The following POU6F2 variants were observed in gnomAD, a reference collection of about 807,000 sequenced individuals.
The protein encoded by POU6F2 is POU domain, class 6, transcription factor 2.
POU6F2 carries 31 observed loss-of-function variants against 71.3 expected under a neutral mutation model. The observed-to-expected ratio is 0.43, with a 90% CI of 0.33 to 0.59. The LOEUF is 0.59. POU6F2 is among the 20% of genes least tolerant of loss of function. The probability of loss-of-function intolerance (pLI) is 0.04; values close to 1 mark genes in which losing one functional copy is unlikely to be tolerated. For missense variants in POU6F2, 783 were observed against 856.8 expected, an observed-to-expected ratio of 0.91 and a Z score of 1.07; for synonymous variants, 347 against 355.7, an observed-to-expected ratio of 0.98 and a Z score of 0.27.
intron 4 of POU6F2, among the ~76,000 whole-genome samples, chr7:39,225,688 G>C (rs928879300): frequency 6.6e-6 from 1 of 152,158 alleles, no homozygotes; most frequent in African/African-American, 2.4e-5. Context: ...AAGAGACTTT[G>C]TCTAAAATTT....
In POU6F2 at chr7:39,452,652, A is replaced by G. The variant is rs776030895; in HGVS notation, c.1489+951A>G. Among the ~76,000 whole-genome samples the G allele has an allele frequency of 4.5e-4, 69 of 152,244 alleles. 3 individuals are homozygous for G. The highest frequency in any genetic ancestry group is 1.3e-4 in the Non-Finnish European group (9 of 68,044). ...TCTTAAAACAAAATGGATGGTTGCC[A>G]TGACCTCCCCGACAAGTAATCCTCC... On this transcript the variant is annotated intron_variant, in intron 8 of 9. Coordinates refer to ENST00000518318, the MANE Select transcript of POU6F2 (RefSeq NM_001370959.1).
At chr7:39,130,266 G>A (rs1012316046) in intron 2 of POU6F2, among the ~76,000 whole-genome samples, 2 of 151,392 alleles carry the variant, frequency 1.3e-5, no homozygotes, top group African/African-American at 2.4e-5. Flanking sequence ...ATGAATGAAG[G>A]TAATGAAATT....
chr7:38,997,944 A>G (rs532146774), intron 1 of POU6F2, among the ~76,000 whole-genome samples: 2 of 152,320 alleles, frequency 1.3e-5, no homozygotes, highest in East Asian at 3.9e-4. Context: ...GCAGTGGCCA[A>G]ACCTGGAAGA....
chr7:39,183,881 C>T (rs776268844), intron 2 of POU6F2, among the ~76,000 whole-genome samples: 1 of 152,180 alleles, frequency 6.6e-6, no homozygotes, highest in Non-Finnish European at 1.5e-5. Context: ...ACACAAAACA[C>T]ACTATGCAAA....
intron 2 of POU6F2, among the ~76,000 whole-genome samples, chr7:39,139,516 A>G (rs1293988480): frequency 6.6e-6 from 1 of 152,216 alleles, no homozygotes; most frequent in Admixed American, 6.5e-5. Flanking sequence ...GCTAAAAGCC[A>G]CATTGCTCCT....
At chr7:39,436,633 G>T (rs1200979711) in intron 7 of POU6F2, among the ~76,000 whole-genome samples, 2 of 152,016 alleles carry the variant, frequency 1.3e-5, no homozygotes, top group African/African-American at 2.4e-5. Context: ...TCGCCTGATT[G>T]CCCTGGCCAG....
chr7:39,223,250 G>A (rs1794403309), intron 4 of POU6F2, among the ~76,000 whole-genome samples: 1 of 152,124 alleles, frequency 6.6e-6, no homozygotes, highest in Admixed American at 6.6e-5. Context: ...ATAACCTGAG[G>A]AGAAGGCACG....
intron 8 of POU6F2, among the ~76,000 whole-genome samples, chr7:39,459,913 A>G (rs1214117538): frequency 6.6e-6 from 1 of 152,130 alleles, no homozygotes; most frequent in Non-Finnish European, 1.5e-5. Context: ...GTGCCCTTTC[A>G]GGGGACAAAG....
At chr7:39,406,856 A>T in intron 6 of POU6F2, 116 bp downstream of exon 6, 1 of 1,362,964 alleles carries the variant, frequency 7.3e-7, no homozygotes, top group Non-Finnish European at 1.0e-6. Context: ...GCAAATAAAT[A>T]ATGTTTACTA....
intron 4 of POU6F2, among the ~76,000 whole-genome samples, chr7:39,229,687 C>T (rs1794538019): frequency 6.6e-6 from 1 of 152,212 alleles, no homozygotes; most frequent in South Asian, 2.1e-4. Context: ...CCAAATATTA[C>T]CTACACAAAA....
At chr7:39,461,266 T>C (rs1294926873) in intron 9 of POU6F2, among the ~76,000 whole-genome samples, 7 of 152,314 alleles carry the variant, frequency 4.6e-5, no homozygotes, top group Non-Finnish European at 8.8e-5. Context: ...GTGGCTGCTT[T>C]AAATGGCTCA....
intron 2 of POU6F2, among the ~76,000 whole-genome samples, chr7:39,088,179 A>G (rs1158085339): frequency 6.6e-6 from 1 of 152,176 alleles, no homozygotes; most frequent in Non-Finnish European, 1.5e-5. Context: ...CAATTAGATC[A>G]AGAAGAAAGC....
chr7:39,189,873 A>ACC (rs1336066693), intron 2 of POU6F2, among the ~76,000 whole-genome samples: 4 of 151,486 alleles, frequency 2.6e-5, no homozygotes, highest in African/African-American at 9.7e-5. Context: ...CATTCCTTCT[A>ACC]CCCCCTTCCT....
intron 4 of POU6F2, among the ~76,000 whole-genome samples, chr7:39,237,256 G>A (rs1794692025): frequency 6.6e-6 from 1 of 152,140 alleles, no homozygotes; most frequent in Admixed American, 6.5e-5. Flanking sequence ...ATTTTCCTAG[G>A]CTGCTCCAGG....
chr7:39,452,200 G>A (rs1172290385), intron 8 of POU6F2, among the ~76,000 whole-genome samples: 3 of 152,244 alleles, frequency 2.0e-5, no homozygotes, highest in Non-Finnish European at 4.4e-5. Flanking sequence ...CAAGTGGCAT[G>A]TGGGGGAAGC....
chr7:39,063,091 CAT>C (rs1790690891), intron 1 of POU6F2, among the ~76,000 whole-genome samples: 1 of 152,144 alleles, frequency 6.6e-6, no homozygotes, highest in African/African-American at 2.4e-5. Context: ...ATATTGGACT[CAT>C]ATAAAGGTGC....
In POU6F2 at chr7:39,460,847, A is replaced by G; in HGVS notation, c.1658+132A>G. ...GTGGGAACAAAGTTTGGGGGCAGCT[A>G]TATGTTGGGATTGGTGATCTTGATG... On this transcript the variant is annotated intron_variant, in intron 9 of 9. Transcript: ENST00000518318. This position sits in a 1 kb window ranked among gnomAD's most constrained non-coding sequence, Gnocchi z 4.4. The G allele has an allele frequency of 1.8e-6, 2 of 1,105,104 alleles. No homozygotes were observed. Among genetic ancestry groups the G allele is most frequent in the South Asian group, 1.9e-5 (1 of 53,092 alleles). 68.5% of individuals were successfully genotyped at this position (1,105,104 alleles called of 1,614,324 possible). A position where few individuals can be genotyped will look rare whatever the true frequency, so the allele number is the denominator to read the frequency against.
chr7:39,301,569 A>C (rs1029928694), intron 4 of POU6F2, among the ~76,000 whole-genome samples: 9 of 152,012 alleles, frequency 5.9e-5, no homozygotes, highest in Non-Finnish European at 1.3e-4. Flanking sequence ...CCTTCATTAA[A>C]CTTTATGTGG....
At chr7:39,033,256 G>A (rs1789986176) in intron 1 of POU6F2, among the ~76,000 whole-genome samples, 1 of 152,226 alleles carries the variant, frequency 6.6e-6, no homozygotes. Context: ...AACTGATATA[G>A]TTAGGAACAT....
Sources: allele counts gnomAD v4.1 joint callset (sites outside exome capture counted in the v4.1 genomes callset), GRCh38; gene constraint gnomAD v4.1.1; non-coding constraint Gnocchi (gnomAD v3.1); transcripts MANE v1.5; gene names NCBI Gene and HGNC (gene_info 2026-07-23, HGNC 2026-07-21).